TDRD12: variants seen among roughly 807,000 people sequenced by gnomAD.
The protein encoded by TDRD12 is putative ATP-dependent RNA helicase TDRD12.
A neutral mutation model predicts 133.5 loss-of-function variants in TDRD12; 158 were observed. The ratio of observed to expected loss-of-function variants is 1.18; its 90% CI spans 1.04 to 1.35. The LOEUF (loss-of-function observed/expected upper bound fraction) is 1.35, where lower values mean the gene tolerates loss of function less well. Among genes scored for constraint, TDRD12 ranks in the 40% most tolerant of loss-of-function variants. The probability of loss-of-function intolerance (pLI) is 0.00; values close to 1 mark genes in which losing one functional copy is unlikely to be tolerated. For synonymous variants in TDRD12, 460 were observed against 477.9 expected (o/e 0.96, Z 0.49); for missense variants, 1,443 against 1,321.3 (o/e 1.09, Z -1.43).
In TDRD12 at chr19:32,719,882, C is replaced by G. The variant is rs1006708825; in HGVS notation, c.-191C>G. On this transcript the variant is annotated 5_prime_UTR_variant, in exon 1 of 28. Transcript: ENST00000444215. ...ACGGAGCGCATTGCCTCGAGCCGACCCCGGGGTCCGCGAGGGCTCCTGGGG... is the reference window on the plus strand; with the variant it reads ...ACGGAGCGCATTGCCTCGAGCCGACGCCGGGGTCCGCGAGGGCTCCTGGGG... The G allele has an allele frequency of 3.9e-5, 26 of 659,102 alleles. No individual in the cohort carries two copies. In the South Asian group the frequency reaches 4.1e-4, roughly 10 times the overall value. 40.8% of individuals were successfully genotyped at this position (659,102 alleles called of 1,614,324 possible).
At chr19:32,756,520 T>C (rs1199769894) in intron 7 of TDRD12, among the ~76,000 whole-genome samples, 1 of 152,090 alleles carries the variant, frequency 6.6e-6, no homozygotes, top group Non-Finnish European at 1.5e-5. Context: ...CCCGAGTAGC[T>C]GGGACTACAG....
chr19:32,765,268 G>A (rs1317687196), intron 8 of TDRD12, among the ~76,000 whole-genome samples: 3 of 152,146 alleles, frequency 2.0e-5, no homozygotes, highest in Admixed American at 2.0e-4. Context: ...TGGAGAAATA[G>A]GAACACTTTT....
chr19:32,732,274 G>C (rs1278716270), intron 2 of TDRD12, among the ~76,000 whole-genome samples: 1 of 152,184 alleles, frequency 6.6e-6, no homozygotes, highest in Admixed American at 6.5e-5. Flanking sequence ...CAAAGTGCTG[G>C]GATTACAGGT....
At chr19:32,738,065 A>C (rs1249369887) in intron 2 of TDRD12, among the ~76,000 whole-genome samples, 1 of 151,952 alleles carries the variant, frequency 6.6e-6, no homozygotes, top group Non-Finnish European at 1.5e-5. Context: ...TGAGCCCGGG[A>C]GGTGGAGGTT....
At position 32,740,606 on chromosome 19, in the gene TDRD12, T is replaced by C. The variant is rs111647475; in HGVS notation, c.320+1614T>C. ...CATCTTCTGACTGCTCTCTGCCTCT[T>C]CTGGGTGCTCCTTGCCGGCTGCTCT... On this transcript the variant is annotated intron_variant, in intron 3 of 27. Transcript: ENST00000444215. 4.7e-4 allele frequency among the ~76,000 whole-genome samples: 71 copies of C among 152,292 alleles called. 1 individual carries two copies. Among genetic ancestry groups the C allele is most frequent in the African/African-American group, 1.7e-3 (71 of 41,556 alleles).
chr19:32,775,696 A>G (rs1032009396), intron 10 of TDRD12, among the ~76,000 whole-genome samples: 1 of 151,024 alleles, frequency 6.6e-6, no homozygotes, highest in Admixed American at 6.6e-5. Flanking sequence ...TTCTTTGCTG[A>G]GAACTTGTGT....
chr19:32,757,004 A>C (rs1197942217), intron 7 of TDRD12, 34 bp from the exon 8 acceptor site: 4 of 1,518,230 alleles, frequency 2.6e-6, no homozygotes, highest in Non-Finnish European at 3.6e-6. Flanking sequence ...GCTTTATTTC[A>C]TGCTTTAATT....
intron 4 of TDRD12, among the ~76,000 whole-genome samples, chr19:32,744,499 C>CAAAT (rs1969532448): frequency 5.3e-5 from 2 of 38,090 alleles, no homozygotes; most frequent in African/African-American, 2.1e-4. Context: ...GACTCCGTCT[C>CAAAT]AAAAAAAAAA....
chr19:32,732,352 G>C (rs1220103376), intron 2 of TDRD12, among the ~76,000 whole-genome samples: 8 of 152,154 alleles, frequency 5.3e-5, no homozygotes, highest in Non-Finnish European at 8.8e-5. Context: ...GTCATGGAAG[G>C]GGGTGGCCGC....
chr19:32,772,601 C>A (rs150497135), intron 8 of TDRD12, among the ~76,000 whole-genome samples, 152 bp from the exon 9 acceptor site: 1 of 152,116 alleles, frequency 6.6e-6, no homozygotes, highest in Non-Finnish European at 1.5e-5. Context: ...TTAATCCCCT[C>A]GAGTAAGGTT....
chr19:32,720,233 C>A, intron 1 of TDRD12, 137 bp downstream of exon 1: 1 of 859,330 alleles, frequency 1.2e-6, no homozygotes, highest in South Asian at 1.5e-5. Flanking sequence ...GCCTCCCACC[C>A]CCGACCCCAA....
At chr19:32,800,428 A>G in intron 17 of TDRD12, 70 bp downstream of exon 17, 1 of 1,199,946 alleles carries the variant, frequency 8.3e-7, no homozygotes, top group Non-Finnish European at 1.1e-6. Context: ...GCTGATGAAC[A>G]CAAGCAAGTA....
At chr19:32,767,848 C>T (rs1255890700) in intron 8 of TDRD12, among the ~76,000 whole-genome samples, 1 of 152,176 alleles carries the variant, frequency 6.6e-6, no homozygotes, top group Non-Finnish European at 1.5e-5. Flanking sequence ...ATCAGGGGTT[C>T]TGTTACCTCA....
At chr19:32,729,956 A>G (rs1968995533) in intron 1 of TDRD12, among the ~76,000 whole-genome samples, 1 of 151,198 alleles carries the variant, frequency 6.6e-6, no homozygotes, top group East Asian at 1.9e-4. Flanking sequence ...ACGCCCAGCT[A>G]ATTTTTTGTA....
chr19:32,731,155 T>C (rs898868001), intron 1 of TDRD12, among the ~76,000 whole-genome samples: 24 of 152,216 alleles, frequency 1.6e-4, no homozygotes, highest in Non-Finnish European at 3.1e-4. Flanking sequence ...ATTTCTCTCC[T>C]CCCCTTAGAC....
chr19:32,811,295 G>T (rs1966996188), exon 24 of TDRD12: 1 of 1,536,042 alleles, frequency 6.5e-7, no homozygotes, highest in Admixed American at 2.0e-5. Context: ...AGGCAGGACG[G>T]GGCTCGTCAC....
intron 10 of TDRD12, among the ~76,000 whole-genome samples, chr19:32,774,505 G>A (rs528209549): frequency 6.6e-6 from 1 of 151,758 alleles, no homozygotes; most frequent in South Asian, 2.1e-4. Context: ...TTTTGAAAAG[G>A]ATACCTTTGC....
intron 8 of TDRD12, among the ~76,000 whole-genome samples, chr19:32,765,956 CTCAG>C (rs1970285891): frequency 6.6e-6 from 1 of 151,116 alleles, no homozygotes; most frequent in Non-Finnish European, 1.5e-5. Context: ...GAATTGATTC[CTCAG>C]TCATTGTTAA....
intron 11 of TDRD12, among the ~76,000 whole-genome samples, chr19:32,788,701 A>C (rs1970981179): frequency 6.6e-6 from 1 of 152,048 alleles, no homozygotes; most frequent in African/African-American, 2.4e-5. Flanking sequence ...GATGTCATGC[A>C]GTCCTTGATT....
Sources: gnomAD v4.1 joint callset for allele counts (sites outside exome capture counted in the v4.1 genomes callset) on GRCh38, gnomAD v4.1.1 for gene constraint, MANE v1.5 for transcripts, NCBI Gene and HGNC (gene_info 2026-07-23, HGNC 2026-07-21) for gene names.